The following HCRTR2 variants were observed in gnomAD, a reference collection of about 807,000 sequenced individuals.
The protein encoded by HCRTR2 is orexin receptor type 2.
Under a neutral mutation model 49.0 loss-of-function variants are expected in HCRTR2, and 22 were observed. That is an observed-to-expected ratio of 0.45 (90% CI 0.32 to 0.64). HCRTR2 has a LOEUF of 0.64. Ranked by LOEUF, HCRTR2 falls within the 30% of genes least tolerant of loss-of-function variation. The pLI is 0.04. For synonymous variants in HCRTR2, 236 were observed against 205.3 expected (o/e 1.15, Z -1.28); for missense variants, 491 against 559.4 (o/e 0.88, Z 1.23).
intron 1 of HCRTR2, among the ~76,000 whole-genome samples, chr6:55,146,330 A>G (rs1764580354): frequency 6.6e-6 from 1 of 152,202 alleles, no homozygotes; most frequent in Non-Finnish European, 1.5e-5. Context: ...ATTCATTTGT[A>G]TAGTAGCAAA....
chr6:55,269,219 T>C (rs763401954), intron 4 of HCRTR2, among the ~76,000 whole-genome samples: 23 of 151,980 alleles, frequency 1.5e-4, no homozygotes, highest in Non-Finnish European at 3.2e-4. Context: ...AACAGAAGAA[T>C]GCATATTTAT....
At chr6:55,263,865 A>G (rs1247393504) in intron 4 of HCRTR2, 43 bp downstream of exon 4, 2 of 1,123,134 alleles carry the variant, frequency 1.8e-6, no homozygotes, top group Non-Finnish European at 2.7e-6. Context: ...TCCTCCACAC[A>G]TAATTTGTTA....
intron 3 of HCRTR2, among the ~76,000 whole-genome samples, chr6:55,261,160 G>A (rs1766747828): frequency 6.6e-6 from 1 of 152,112 alleles, no homozygotes; most frequent in Non-Finnish European, 1.5e-5. Flanking sequence ...TGCAGTAAAA[G>A]TAGGTAGACC....
intron 1 of HCRTR2, among the ~76,000 whole-genome samples, chr6:55,136,287 T>C (rs1245191052): frequency 6.6e-6 from 1 of 152,188 alleles, no homozygotes; most frequent in Non-Finnish European, 1.5e-5. Flanking sequence ...GAGTCTTCAA[T>C]GCCTGATTCT....
intron 1 of HCRTR2, among the ~76,000 whole-genome samples, chr6:55,184,460 A>T (rs1274258750): frequency 6.6e-6 from 1 of 152,206 alleles, no homozygotes; most frequent in Admixed American, 6.5e-5. Flanking sequence ...AAATATTAAA[A>T]ATTTGAGATC....
intron 1 of HCRTR2, among the ~76,000 whole-genome samples, chr6:55,231,986 T>C (rs1208786259): frequency 6.6e-6 from 1 of 152,200 alleles, no homozygotes; most frequent in Non-Finnish European, 1.5e-5. Context: ...TTTTTGTTCA[T>C]TGTCCATCAT....
chr6:55,216,150 A>G (rs73437034), intron 1 of HCRTR2, among the ~76,000 whole-genome samples: 3,504 of 152,236 alleles, frequency 0.023, 136 homozygotes, highest in African/African-American at 0.077. Context: ...TAATACATCC[A>G]TGTGGGGAAA....
intron 1 of HCRTR2, among the ~76,000 whole-genome samples, chr6:55,183,035 G>A (rs1164381911): frequency 3.3e-5 from 5 of 152,196 alleles, no homozygotes; most frequent in East Asian, 1.9e-4. Flanking sequence ...TGACAATAGA[G>A]GCAATTGATA....
At chr6:55,120,259 T>G (rs905985771) in intron 1 of HCRTR2, among the ~76,000 whole-genome samples, 13 of 151,796 alleles carry the variant, frequency 8.6e-5, no homozygotes, top group Admixed American at 8.6e-4. Flanking sequence ...TGTGGGCCCT[T>G]TTTTGGTTCC....
intron 1 of HCRTR2, among the ~76,000 whole-genome samples, chr6:55,214,309 G>A (rs939619159): frequency 6.6e-6 from 1 of 152,052 alleles, no homozygotes; most frequent in African/African-American, 2.4e-5. Context: ...CCTAAAGACT[G>A]GGTGAGGTGG....
chr6:55,149,127 C>G (rs1764631334), intron 1 of HCRTR2, among the ~76,000 whole-genome samples: 1 of 152,022 alleles, frequency 6.6e-6, no homozygotes, highest in African/African-American at 2.4e-5. Context: ...CACAGAGACC[C>G]TTTAAATCTT....
At chr6:55,203,923 C>T (rs544141002) in intron 1 of HCRTR2, among the ~76,000 whole-genome samples, 57 of 151,516 alleles carry the variant, frequency 3.8e-4, no homozygotes, top group South Asian at 1.0e-3. Flanking sequence ...GAAGGGTTTG[C>T]GTAGAGAAAT....
intron 1 of HCRTR2, among the ~76,000 whole-genome samples, chr6:55,227,841 G>A (rs1581842352): frequency 6.6e-6 from 1 of 152,170 alleles, no homozygotes; most frequent in Non-Finnish European, 1.5e-5. Flanking sequence ...AATTGAGAGT[G>A]TAGATAAATC....
chr6:55,192,224 C>CA (rs1271576836), intron 1 of HCRTR2, among the ~76,000 whole-genome samples: 4 of 151,554 alleles, frequency 2.6e-5, no homozygotes, highest in Admixed American at 6.6e-5. Context: ...TTCATTCCAA[C>CA]AAAAAAAATT....
intron 1 of HCRTR2, among the ~76,000 whole-genome samples, chr6:55,218,737 A>G (rs960521978): frequency 1.3e-5 from 2 of 152,254 alleles, no homozygotes; most frequent in Admixed American, 6.5e-5. Flanking sequence ...TATGTATTCA[A>G]TCTTAGGGCT....
Position 55,133,662 on chromosome 6 carries a change from C to CATCTATCT in HCRTR2, c.-378+27152_-378+27159dup, listed in dbSNP as rs5876428. ...TACATGTATTTATCTATCTATCTATCATCTATCTATCTATCTATCTATCTA... is the reference window on the plus strand; with the variant it reads ...TACATGTATTTATCTATCTATCTATCATCTATCTATCTATCTATCTATCTATCTATCTA... On this transcript the variant is annotated intron_variant, in intron 1 of 7. Transcript: ENST00000615358. 2.8e-3 allele frequency among the ~76,000 whole-genome samples: 421 copies of CATCTATCT among 148,774 alleles called. 1 individual carries two copies. Among genetic ancestry groups the CATCTATCT allele is most frequent in the Middle Eastern group, 6.9e-3 (2 of 288 alleles).
At chr6:55,212,967 C>T (rs1174790281) in intron 1 of HCRTR2, among the ~76,000 whole-genome samples, 1 of 152,062 alleles carries the variant, frequency 6.6e-6, no homozygotes, top group Admixed American at 6.6e-5. Flanking sequence ...ACTTCCAATG[C>T]TCTTTCATTG....
intron 1 of HCRTR2, among the ~76,000 whole-genome samples, chr6:55,187,411 C>CAAAAAAAAA (rs57619664): frequency 2.0e-5 from 2 of 98,424 alleles, no homozygotes; most frequent in African/African-American, 3.8e-5. Flanking sequence ...GACTCCGTCT[C>CAAAAAAAAA]AAAAAAAAAA....
In HCRTR2 at chr6:55,191,173, T is replaced by C. The variant is rs1284222647; in HGVS notation, c.223+16363T>C. Among the ~76,000 whole-genome samples, 3 of 152,224 alleles carry C rather than the reference T, an allele frequency of 2.0e-5. 1 individual carries two copies. The highest frequency in any genetic ancestry group is 1.3e-4 in the Admixed American group (2 of 15,288). On this transcript the variant is annotated intron_variant, in intron 1 of 6. Transcript: ENST00000370862. ...AGTAACAACTTTGAAATTATATTTT[T>C]AGTATATTAAATTTAAAGTAGAGTT...
Sources: gnomAD v4.1 joint callset for allele counts (sites outside exome capture counted in the v4.1 genomes callset) on GRCh38, gnomAD v4.1.1 for gene constraint, MANE v1.5 for transcripts, NCBI Gene and HGNC (gene_info 2026-07-23, HGNC 2026-07-21) for gene names.